SMIM9: variants seen among roughly 807,000 people sequenced by gnomAD.
The protein encoded by SMIM9 is small integral membrane protein 9.
In SMIM9, 8 loss-of-function variants were observed where a neutral mutation model predicts 7.2. The observed-to-expected ratio is 1.10, with a 90% CI of 0.65 to 1.99. SMIM9 has a LOEUF of 1.99. Ranked by LOEUF, SMIM9 falls within the 30% of genes most tolerant of loss-of-function variation. The pLI, the probability that SMIM9 is intolerant of heterozygous loss-of-function variation, is 0.00. For synonymous variants in SMIM9, 19 were observed against 26.4 expected (o/e 0.72, Z 0.86); for missense variants, 76 against 69.3 (o/e 1.10, Z -0.34).
rs1485271566 is a variant in SMIM9 at position 154,823,392 on chromosome X, G to C, written c.*363C>G. ...ATTAAAACAGAACTATTGTTTCACA[G>C]AACAGACTTTGGAAAACTTGTAATA... On this transcript the variant is annotated 3_prime_UTR_variant, in exon 5 of 5. Coordinates refer to ENST00000369529, the MANE Select transcript of SMIM9 (RefSeq NM_001162936.4). 1 of 145,274 alleles carries C rather than the reference G, an allele frequency of 6.9e-6. No homozygotes were observed. Among genetic ancestry groups the C allele is most frequent in the African/African-American group, 3.1e-5 (1 of 32,202 alleles). 12.0% of individuals were successfully genotyped at this position (145,274 alleles called of 1,213,427 possible). A position where few individuals can be genotyped will look rare whatever the true frequency, so the allele number is the denominator to read the frequency against.
chrX:154,827,506 AAGAG>A (rs1473183509), intron 4 of SMIM9: 2 of 112,622 alleles, frequency 1.8e-5, no homozygotes. Context: ...GCATATGTGA[AAGAG>A]AGAGGCAGCA....
At chrX:154,824,192 C>G (rs2148550660) in intron 4 of SMIM9, among the ~76,000 whole-genome samples, 1 of 108,702 alleles carries the variant, frequency 9.2e-6, no homozygotes, top group African/African-American at 3.3e-5. Flanking sequence ...CCCGTCTCTA[C>G]TAAAAATACA....
chrX:154,831,212 G>A (rs1557270563), intron 2 of SMIM9, among the ~76,000 whole-genome samples: 1 of 111,424 alleles, frequency 9.0e-6, no homozygotes, highest in African/African-American at 3.3e-5. Flanking sequence ...ACCTGTTCAG[G>A]CTGAAAAAGG....
At chrX:154,828,394 T>C (rs2072430382) in intron 4 of SMIM9, among the ~76,000 whole-genome samples, 1 of 111,593 alleles carries the variant, frequency 9.0e-6, no homozygotes, top group Admixed American at 9.5e-5. Context: ...CAGCAGTCAC[T>C]GCTCTGTGGC....
chrX:154,824,355 C>CAAAAAA (rs375492512), intron 4 of SMIM9, among the ~76,000 whole-genome samples: 21 of 42,029 alleles, frequency 5.0e-4, no homozygotes, highest in East Asian at 8.2e-4. Context: ...GACTCCGTCT[C>CAAAAAA]AAAAAAAAAA....
rs188782881 is a variant in SMIM9 at position 154,830,106 on chromosome X, C to A, written c.143-442G>T. On this transcript the variant is annotated intron_variant, in intron 3 of 4. Coordinates refer to ENST00000369529, the MANE Select transcript of SMIM9 (RefSeq NM_001162936.4). ...AGAGCAGAGGAGAAAGGGGCCAGGGCCACTGGAAGAAGGACCTCTAGGGGG... is the reference window on the plus strand; with the variant it reads ...AGAGCAGAGGAGAAAGGGGCCAGGGACACTGGAAGAAGGACCTCTAGGGGG... 2.7e-5 allele frequency among the ~76,000 whole-genome samples: 3 copies of A among 111,380 alleles called. No homozygotes were observed. In the East Asian group the frequency reaches 8.5e-4, roughly 31 times the overall value.
intron 4 of SMIM9, among the ~76,000 whole-genome samples, chrX:154,825,581 A>T (rs2072417969): frequency 9.0e-6 from 1 of 110,530 alleles, no homozygotes; most frequent in African/African-American, 3.3e-5. Context: ...TATATACCCA[A>T]ATGATTATAA....
At chrX:154,828,991 G>C (rs782587343) in intron 4 of SMIM9, among the ~76,000 whole-genome samples, 1 of 111,752 alleles carries the variant, frequency 8.9e-6, no homozygotes, top group South Asian at 3.7e-4. Flanking sequence ...CAATAGCAAT[G>C]ACCTACCAAT....
chrX:154,830,900 C>G lies in SMIM9; in HGVS notation c.-44G>C, dbSNP rs1330536482. 3 of 1,141,188 alleles carry G rather than the reference C, an allele frequency of 2.6e-6. No individual in the cohort carries two copies. Among genetic ancestry groups the G allele is most frequent in the Non-Finnish European group, 3.5e-6 (3 of 856,792 alleles). 94.0% of individuals were successfully genotyped at this position (1,141,188 alleles called of 1,213,427 possible). A position where few individuals can be genotyped will look rare whatever the true frequency, so the allele number is the denominator to read the frequency against. On this transcript the variant is annotated 5_prime_UTR_variant, in exon 3 of 5. Transcript: ENST00000369529. ...GCGGCTGAAGAGCTGGTAATCCTAG[C>G]TCACTCTGCCAAGGAGAGATGTCTT...
At chrX:154,829,415 G>A (rs1284417664) in intron 4 of SMIM9, 120 bp downstream of exon 4, 1 of 885,266 alleles carries the variant, frequency 1.1e-6, no homozygotes, top group Non-Finnish European at 1.5e-6. Context: ...TCCCAGAATT[G>A]AATTTCTTAA....
chrX:154,827,493 C>A, intron 4 of SMIM9: 1 of 112,508 alleles, frequency 8.9e-6, no homozygotes, highest in South Asian at 3.7e-4. Context: ...CAGTTGAAGC[C>A]CTGCATATGT....
intron 4 of SMIM9, among the ~76,000 whole-genome samples, chrX:154,829,128 G>A (rs2072433532): frequency 8.9e-6 from 1 of 112,101 alleles, no homozygotes; most frequent in South Asian, 3.7e-4. Flanking sequence ...GTTTTCCTCA[G>A]GATTCTTTTG....
At chrX:154,831,006 C>T (rs1256966399) in intron 2 of SMIM9, 51 bp from the exon 3 acceptor site, 2 of 605,583 alleles carry the variant, frequency 3.3e-6, no homozygotes, top group Non-Finnish European at 4.9e-6. Flanking sequence ...AATCTTCTCA[C>T]CATCACGAAC....
chrX:154,824,282 G>A (rs373568045), intron 4 of SMIM9, among the ~76,000 whole-genome samples: 7 of 104,653 alleles, frequency 6.7e-5, no homozygotes, highest in Non-Finnish European at 9.8e-5. Context: ...GCGTGAACCC[G>A]GAGGCGGAGC....
rs1557270426 is a variant in SMIM9, at chrX:154,829,647, G to A, written c.160C>T (p.Leu54=). Residue 54 remains leucine (L), a synonymous_variant, in exon 4 of 5, where the codon CTG becomes TTG. Coordinates refer to ENST00000369529, the MANE Select transcript of SMIM9 (RefSeq NM_001162936.4). ...PRSGGNHRSW[L]NNFRDYLWQL... ...CATAAGTAATCCCTGAAGTTGTTCA[G>A]CCAGGACCTGTGATTACCTGCAGAA... The A allele has an allele frequency of 8.6e-7, 1 of 1,167,539 alleles. No homozygotes were observed. Among genetic ancestry groups the A allele is most frequent in the African/African-American group, 1.8e-5 (1 of 56,265 alleles).
rs782266601 is a variant in SMIM9 at position 154,830,861 on chromosome X, T to G, written c.-5A>C. The G allele has an allele frequency of 6.8e-5, 79 of 1,162,141 alleles. No homozygotes were observed. The highest frequency in any genetic ancestry group is 8.8e-5 in the Non-Finnish European group (77 of 870,706). The stretch of plus-strand genomic sequence containing the variant: ...CAGCAGCTTCTGGGGTTCCATGGAC[T>G]CCCGCCTTCAGCTGCGGCTGAAGAG... On this transcript the variant is annotated 5_prime_UTR_variant, in exon 3 of 5. Transcript: ENST00000369529.
intron 4 of SMIM9, among the ~76,000 whole-genome samples, chrX:154,825,386 C>T (rs1260971927): frequency 1.4e-5 from 1 of 73,913 alleles, no homozygotes; most frequent in Non-Finnish European, 2.8e-5. Context: ...ACTGAGACTT[C>T]ACCTCAAAAA....
intron 4 of SMIM9, among the ~76,000 whole-genome samples, chrX:154,824,475 C>T (rs2078745391): frequency 9.0e-6 from 1 of 110,885 alleles, no homozygotes; most frequent in African/African-American, 3.3e-5. Context: ...TTCACTACCA[C>T]AAGGAGATAA....
Position 154,830,937 on chromosome X carries a change from C to T in SMIM9, c.-81G>A. The stretch of plus-strand genomic sequence containing the variant: ...AGGAGAGATGTCTTTGTCCGTAGGT[C>T]TTTCCACAGAAACTTTGTCTGAAAA... On this transcript the variant is annotated 5_prime_UTR_variant, in exon 3 of 5. Transcript: ENST00000369529. 9.9e-7 allele frequency: 1 copy of T among 1,014,716 alleles called. No individual in the cohort carries two copies. The allele number at this position is 1,014,716 out of a possible 1,213,427, so 83.6% of individuals were successfully genotyped here. A position where few individuals can be genotyped will look rare whatever the true frequency, so the allele number is the denominator to read the frequency against.
Sources: allele counts gnomAD v4.1 joint callset (sites outside exome capture counted in the v4.1 genomes callset), GRCh38; gene constraint gnomAD v4.1.1; transcripts MANE v1.5; gene names NCBI Gene and HGNC (gene_info 2026-07-23, HGNC 2026-07-21).